The following AGBL4 variants were observed in gnomAD, a reference collection of about 807,000 sequenced individuals.
AGBL4 encodes cytosolic carboxypeptidase 6.
AGBL4 carries 58 observed loss-of-function variants against 66.4 expected under a neutral mutation model. That is an observed-to-expected ratio of 0.87 (90% confidence interval 0.71 to 1.09). The LOEUF (loss-of-function observed/expected upper bound fraction) is 1.09, where lower values mean the gene tolerates loss of function less well. AGBL4 is among the 50% of genes least tolerant of loss of function. The probability of loss-of-function intolerance (pLI) is 0.00; values close to 1 mark genes in which losing one functional copy is unlikely to be tolerated. For synonymous variants in AGBL4, 234 were observed against 222.9 expected, an observed-to-expected ratio of 1.05 and a Z score of -0.44; for missense variants, 579 against 631.0, an observed-to-expected ratio of 0.92 and a Z score of 0.88.
At chr1:50,008,099 G>T (rs945894507) in intron 1 of AGBL4, among the ~76,000 whole-genome samples, 4 of 152,154 alleles carry the variant, frequency 2.6e-5, no homozygotes, top group Non-Finnish European at 5.9e-5. Flanking sequence ...TCAACACCCT[G>T]CTTTTAGCAC....
intron 2 of AGBL4, among the ~76,000 whole-genome samples, chr1:49,836,736 G>A (rs966530316): frequency 3.9e-5 from 6 of 152,130 alleles, no homozygotes; most frequent in African/African-American, 7.2e-5. Context: ...GGTCTTTGAC[G>A]TTGGTGACCT....
chr1:49,837,148 C>T (rs532742899), intron 2 of AGBL4, among the ~76,000 whole-genome samples: 59 of 152,312 alleles, frequency 3.9e-4, no homozygotes, highest in Admixed American at 1.2e-3. Context: ...GTTGAAGCTG[C>T]GCCCACAGCC....
chr1:49,224,867 T>C (rs1248983286), intron 4 of AGBL4, among the ~76,000 whole-genome samples: 1 of 152,138 alleles, frequency 6.6e-6, no homozygotes, highest in Non-Finnish European at 1.5e-5. Flanking sequence ...GACAGTAAAT[T>C]GTAGCACTGA....
chr1:50,004,394 G>A (rs1660982938), intron 1 of AGBL4, among the ~76,000 whole-genome samples: 1 of 152,188 alleles, frequency 6.6e-6, no homozygotes, highest in Non-Finnish European at 1.5e-5. Context: ...GGCAAGTCCT[G>A]GTGCTATGTT....
At chr1:48,769,570 C>CACACACACACACA (rs34256470) in intron 6 of AGBL4, among the ~76,000 whole-genome samples, 7 of 142,384 alleles carry the variant, frequency 4.9e-5, no homozygotes, top group African/African-American at 2.0e-4. Flanking sequence ...CACACACACA[C>CACACACACACACA]AAGTTAAATT....
intron 3 of AGBL4, among the ~76,000 whole-genome samples, chr1:49,270,779 C>A (rs917666322): frequency 5.3e-5 from 8 of 152,092 alleles, no homozygotes; most frequent in African/African-American, 1.9e-4. Flanking sequence ...ATTGGGAATT[C>A]TAATTATCAA....
At chr1:49,615,896 T>C (rs528193977) in intron 3 of AGBL4, among the ~76,000 whole-genome samples, 1 of 152,234 alleles carries the variant, frequency 6.6e-6, no homozygotes, top group Non-Finnish European at 1.5e-5. Context: ...GGATCTCCCT[T>C]AGCTAGAAAA....
intron 9 of AGBL4, among the ~76,000 whole-genome samples, chr1:48,594,863 A>G (rs1347508972): frequency 6.6e-6 from 1 of 152,090 alleles, no homozygotes; most frequent in Non-Finnish European, 1.5e-5. Context: ...CTCCTCGTAC[A>G]CAATCACCCA....
At chr1:49,958,858 AT>A (rs1401252683) in intron 1 of AGBL4, among the ~76,000 whole-genome samples, 9 of 151,752 alleles carry the variant, frequency 5.9e-5, no homozygotes, top group African/African-American at 2.2e-4. Flanking sequence ...ATAAAAATAA[AT>A]TTAAAAAAAG....
At chr1:49,601,099 G>T (rs1644949886) in intron 3 of AGBL4, among the ~76,000 whole-genome samples, 1 of 151,988 alleles carries the variant, frequency 6.6e-6, no homozygotes, top group South Asian at 2.1e-4. Context: ...TCTGACAATT[G>T]TGTTTCTTGG....
intron 6 of AGBL4, among the ~76,000 whole-genome samples, chr1:48,746,796 G>A (rs763805185): frequency 3.9e-5 from 6 of 152,188 alleles, no homozygotes; most frequent in Non-Finnish European, 7.3e-5. Context: ...GGCTGCTGAC[G>A]TCTCTGGAAG....
At chr1:49,374,323 T>C (rs1286724104) in intron 3 of AGBL4, 6 of 151,926 alleles carry the variant, frequency 3.9e-5, no homozygotes, top group Non-Finnish European at 8.8e-5. Flanking sequence ...ACTCTTCAGC[T>C]TCATTCCTAC....
rs929979177 is a variant in AGBL4, at chr1:49,429,915, G to A, written c.283-184051C>T. Among the ~76,000 whole-genome samples the A allele has an allele frequency of 2.0e-5, 3 of 151,788 alleles. No individual in the cohort carries two copies. The South Asian group carries it at 6.3e-4, about 32-fold the overall frequency. On this transcript the variant is annotated intron_variant, in intron 3 of 13. Coordinates refer to ENST00000371839, the MANE Select transcript of AGBL4 (RefSeq NM_032785.4). ...GCTGGAATGAAGCAGCCTAATCAGGGCTTACTACAGCCTTAACCTCCTGGG... is the reference window on the plus strand; with the variant it reads ...GCTGGAATGAAGCAGCCTAATCAGGACTTACTACAGCCTTAACCTCCTGGG...
chr1:49,503,201 C>A (rs892273459), intron 3 of AGBL4, among the ~76,000 whole-genome samples: 1 of 152,090 alleles, frequency 6.6e-6, no homozygotes, highest in African/African-American at 2.4e-5. Context: ...TCAGAGGGTA[C>A]AAGCCCCCAG....
chr1:49,134,475 G>GCCCCCCCC (rs57286157), intron 4 of AGBL4, among the ~76,000 whole-genome samples: 19 of 112,698 alleles, frequency 1.7e-4, no homozygotes, highest in South Asian at 3.6e-4. Flanking sequence ...ATTTTGGAGG[G>GCCCCCCCC]CCCCCCCCCC....
At chr1:49,989,128 C>T (rs1659731934) in intron 1 of AGBL4, among the ~76,000 whole-genome samples, 1 of 152,178 alleles carries the variant, frequency 6.6e-6, no homozygotes, top group South Asian at 2.1e-4. Context: ...TCAATCAAAA[C>T]TAGTGTAAAT....
At chr1:49,750,514 G>T (rs1651370025) in intron 2 of AGBL4, among the ~76,000 whole-genome samples, 1 of 152,194 alleles carries the variant, frequency 6.6e-6, no homozygotes, top group South Asian at 2.1e-4. Context: ...ATAGTCTGAA[G>T]TCAGGTAGTG....
intron 3 of AGBL4, among the ~76,000 whole-genome samples, chr1:49,401,892 C>A (rs1645093544): frequency 6.6e-6 from 1 of 152,056 alleles, no homozygotes; most frequent in Non-Finnish European, 1.5e-5. Flanking sequence ...TGGATTTCTT[C>A]AAGTTTCAAT....
At chr1:49,939,815 CA>C (rs1443777838) in intron 1 of AGBL4, among the ~76,000 whole-genome samples, 9 of 152,042 alleles carry the variant, frequency 5.9e-5, no homozygotes, top group Admixed American at 1.3e-4. Flanking sequence ...TCTAAAACAC[CA>C]AAAGCAATGG....
Sources: allele counts gnomAD v4.1 joint callset (sites outside exome capture counted in the v4.1 genomes callset), GRCh38; gene constraint gnomAD v4.1.1; transcripts MANE v1.5; gene names NCBI Gene and HGNC (gene_info 2026-07-23, HGNC 2026-07-21).